CR1L: variants seen among roughly 807,000 people sequenced by gnomAD.
The protein encoded by CR1L is complement C3b/C4b receptor 1 like.
In CR1L, 59 loss-of-function variants were observed where a neutral mutation model predicts 62.3. The observed-to-expected ratio is 0.95, with a 90% CI of 0.77 to 1.18. The LOEUF (loss-of-function observed/expected upper bound fraction) is 1.18. CR1L is among the 50% of genes most tolerant of loss of function. The pLI is 0.00. For synonymous variants in CR1L, 279 were observed against 248.7 expected (o/e 1.12, Z -1.15); for missense variants, 700 against 702.8 (o/e 1.00, Z 0.04).
At chr1:207,659,570 C>T (rs779258967) in intron 1 of CR1L, among the ~76,000 whole-genome samples, 1 of 152,192 alleles carries the variant, frequency 6.6e-6, no homozygotes, top group Non-Finnish European at 1.5e-5. Flanking sequence ...CTCTGGTCTA[C>T]AGCTCCCAGT....
At chr1:207,721,204 T>A (rs534397029) in intron 11 of CR1L, among the ~76,000 whole-genome samples, 20 of 152,126 alleles carry the variant, frequency 1.3e-4, no homozygotes, top group East Asian at 3.9e-4. Flanking sequence ...CCTTTTTTTT[T>A]ATTATACTTT....
chr1:207,673,459 A>G (rs1385131583), intron 1 of CR1L, among the ~76,000 whole-genome samples: 1 of 152,266 alleles, frequency 6.6e-6, no homozygotes, highest in Non-Finnish European at 1.5e-5. Flanking sequence ...AGCAGAGTGT[A>G]CTTCGGGTTG....
chr1:207,712,298 T>A (rs547250610), intron 10 of CR1L, among the ~76,000 whole-genome samples: 1 of 152,324 alleles, frequency 6.6e-6, no homozygotes, highest in African/African-American at 2.4e-5. Flanking sequence ...CTAGGAAATA[T>A]GTAGATGGAG....
chr1:207,662,210 G>A (rs1261114477), intron 1 of CR1L, among the ~76,000 whole-genome samples: 2 of 152,166 alleles, frequency 1.3e-5, no homozygotes, highest in Admixed American at 6.5e-5. Context: ...CTAGACTGGG[G>A]AAGTTCTCCT....
chr1:207,652,825 A>AT (rs200341738), intron 1 of CR1L: 785 of 504,044 alleles, frequency 1.6e-3, no homozygotes, highest in East Asian at 2.1e-3. Flanking sequence ...GGAGATGATG[A>AT]TTTTTTTTTC....
At chr1:207,708,841 G>T in intron 10 of CR1L, 1 of 408,966 alleles carries the variant, frequency 2.4e-6, no homozygotes, top group Non-Finnish European at 4.8e-6. Flanking sequence ...AAACCCATCT[G>T]GTGGGAGAAT....
At chr1:207,710,896 T>C in intron 10 of CR1L, 1 of 1,109,668 alleles carries the variant, frequency 9.0e-7, no homozygotes, top group Non-Finnish European at 1.3e-6. Flanking sequence ...GGTGGGAAAG[T>C]AAGTTTTGGG....
intron 1 of CR1L, among the ~76,000 whole-genome samples, chr1:207,649,799 G>T (rs1348828216): frequency 6.6e-6 from 1 of 152,128 alleles, no homozygotes; most frequent in Non-Finnish European, 1.5e-5. Flanking sequence ...TATCTGTCTT[G>T]GAAAAACCTT....
Position 207,717,600 on chromosome 1 carries a change from T to A in CR1L, c.1551T>A (p.Ile517=). The A allele has an allele frequency of 6.2e-7, 1 of 1,613,778 alleles. No individual in the cohort carries two copies. ...HPDRGMTFNL[I]GESTIRRTSE... is the part of the protein sequence containing the mutation. ...ACAGAGGGATGACCTTCAACCTCAT[T>A]GGGGAGAGCACCATCCGCCGCACAA... The change falls in exon 11 of 12, where the codon ATT becomes ATA. Residue 517 remains isoleucine, a synonymous_variant. Coordinates refer to ENST00000508064, the MANE Select transcript of CR1L (RefSeq NM_175710.2).
intron 1 of CR1L, among the ~76,000 whole-genome samples, chr1:207,649,354 G>C (rs894814110): frequency 2.6e-5 from 4 of 152,122 alleles, no homozygotes; most frequent in Non-Finnish European, 2.9e-5. Context: ...TAAATCACAG[G>C]GTGAGCAGTT....
At chr1:207,684,066 G>A in intron 4 of CR1L, 109 bp downstream of exon 4, 2 of 966,674 alleles carry the variant, frequency 2.1e-6, no homozygotes, top group Non-Finnish European at 3.0e-6. Context: ...ACTTCACATG[G>A]CTGAAGACAG....
At chr1:207,699,102 C>T in intron 7 of CR1L, 87 bp from the exon 8 acceptor site, 1 of 1,575,978 alleles carries the variant, frequency 6.3e-7, no homozygotes, top group Non-Finnish European at 8.7e-7. Flanking sequence ...TCCTCAAAAT[C>T]CTGAAATTGG....
chr1:207,694,241 C>A (rs184122291), intron 4 of CR1L, 112 bp from the exon 5 acceptor site: 4 of 1,317,552 alleles, frequency 3.0e-6, no homozygotes, highest in South Asian at 2.8e-5. Context: ...AATGTACCTA[C>A]GTGTTAGCAA....
intron 10 of CR1L, among the ~76,000 whole-genome samples, chr1:207,711,893 C>A: frequency 6.8e-6 from 1 of 147,154 alleles, no homozygotes; most frequent in African/African-American, 2.6e-5. Flanking sequence ...AGTGAGATAT[C>A]ACCTCAAAAA....
chr1:207,699,284 A>G lies in CR1L; in HGVS notation c.1228+10A>G. On this transcript the variant is annotated intron_variant, in intron 8 of 11. Transcript: ENST00000508064. The stretch of plus-strand genomic sequence containing the variant: ...GTTCCAGTGTGTGAACGTAAGTAAT[A>G]GGAGTAACATTTCAGGCCAATCTCT... 1.2e-6 allele frequency: 2 copies of G among 1,613,618 alleles called. No homozygotes were observed. The highest frequency in any genetic ancestry group is 1.7e-6 in the Non-Finnish European group (2 of 1,179,536).
rs760656221 is a variant in CR1L at position 207,683,932 on chromosome 1, G to A, written c.438G>A (p.Trp146Ter). Reference protein sequence around the residue: ...TCIISGNTVIWDNKTPVCDRI... With the variant: ...TCIISGNTVI ...TCATCTCAGGCAACACTGTCATTTG[G>A]GATAATAAAACACCTGTTTGTGACA... Residue 146 changes from tryptophan (W) to a stop codon, truncating the protein, a stop_gained, in exon 4 of 12, where the codon TGG (tryptophan) becomes TGA (stop). Transcript: ENST00000508064. LOFTEE classifies it high-confidence loss of function. The A allele has an allele frequency of 5.0e-6, 8 of 1,612,942 alleles. No individual in the cohort carries two copies. Among genetic ancestry groups the A allele is most frequent in the Non-Finnish European group, 6.8e-6 (8 of 1,179,382 alleles).
chr1:207,704,363 G>C (rs556802991), intron 9 of CR1L, among the ~76,000 whole-genome samples: 10 of 152,218 alleles, frequency 6.6e-5, no homozygotes, highest in Non-Finnish European at 1.0e-4. Context: ...TTGAGGTGGA[G>C]TCTCTTCCTG....
At chr1:207,654,605 T>G (rs1053596105) in intron 1 of CR1L, among the ~76,000 whole-genome samples, 3 of 152,208 alleles carry the variant, frequency 2.0e-5, no homozygotes, top group Admixed American at 6.5e-5. Flanking sequence ...AATGAGCTAC[T>G]CCTAGAAAGA....
At chr1:207,706,477 T>C (rs1423405979) in intron 9 of CR1L, among the ~76,000 whole-genome samples, 1 of 151,940 alleles carries the variant, frequency 6.6e-6, no homozygotes, top group African/African-American at 2.4e-5. Context: ...AAATTATGTA[T>C]TAAAAAAATT....
Sources: allele counts gnomAD v4.1 joint callset (sites outside exome capture counted in the v4.1 genomes callset), GRCh38; gene constraint gnomAD v4.1.1; transcripts MANE v1.5; gene names NCBI Gene and HGNC (gene_info 2026-07-23, HGNC 2026-07-21).